The following SLC35F1 variants were observed in gnomAD, a reference collection of about 807,000 sequenced individuals.
SLC35F1 encodes solute carrier family 35 member F1.
A neutral mutation model predicts 48.7 loss-of-function variants in SLC35F1; 14 were observed. The ratio of observed to expected loss-of-function variants is 0.29; its 90% CI spans 0.19 to 0.45. SLC35F1 has a LOEUF of 0.45. Ranked by LOEUF, SLC35F1 falls within the 20% of genes least tolerant of loss-of-function variation. The pLI is 1.00. For synonymous variants in SLC35F1, 190 were observed against 202.2 expected, an observed-to-expected ratio of 0.94 and a Z score of 0.51; for missense variants, 404 against 500.0, an observed-to-expected ratio of 0.81 and a Z score of 1.83.
At chr6:118,214,551 A>G (rs1775047802) in intron 2 of SLC35F1, among the ~76,000 whole-genome samples, 1 of 152,212 alleles carries the variant, frequency 6.6e-6, no homozygotes, top group Non-Finnish European at 1.5e-5. Context: ...TCCATTATAT[A>G]AAGTAAGGTA....
intron 1 of SLC35F1, among the ~76,000 whole-genome samples, chr6:118,061,188 C>T (rs549517175): frequency 5.0e-4 from 76 of 152,308 alleles, no homozygotes; most frequent in African/African-American, 1.7e-3. Context: ...ATCCATTCCC[C>T]GGAGAGGCTG....
chr6:117,978,572 T>G (rs1776733403), intron 1 of SLC35F1, among the ~76,000 whole-genome samples: 1 of 152,186 alleles, frequency 6.6e-6, no homozygotes, highest in South Asian at 2.1e-4. Flanking sequence ...CGTTATTTTC[T>G]TCACTGGCCC....
At chr6:118,013,159 T>C (rs868235133) in intron 1 of SLC35F1, among the ~76,000 whole-genome samples, 34 of 152,298 alleles carry the variant, frequency 2.2e-4, no homozygotes, top group African/African-American at 8.2e-4. Context: ...TGTGGGGACA[T>C]CATCTCCTAC....
At chr6:118,078,680 T>C (rs1582653897) in intron 1 of SLC35F1, among the ~76,000 whole-genome samples, 5 of 152,310 alleles carry the variant, frequency 3.3e-5, no homozygotes, top group Admixed American at 3.3e-4. Flanking sequence ...TTAATCTCTC[T>C]GTCAAGACTC....
chr6:118,251,668 A>C (rs1775577408), intron 3 of SLC35F1, among the ~76,000 whole-genome samples: 1 of 152,178 alleles, frequency 6.6e-6, no homozygotes, highest in South Asian at 2.1e-4. Flanking sequence ...ATCAGACAGA[A>C]CAGGACAAGT....
intron 1 of SLC35F1, among the ~76,000 whole-genome samples, chr6:117,960,032 CA>C (rs1401080025): frequency 6.6e-6 from 1 of 152,024 alleles, no homozygotes; most frequent in African/African-American, 2.4e-5. Flanking sequence ...CTTACTCTTT[CA>C]AGGATAATTT....
intron 2 of SLC35F1, among the ~76,000 whole-genome samples, chr6:118,215,462 G>A (rs922684380): frequency 2.6e-5 from 4 of 151,900 alleles, no homozygotes; most frequent in Admixed American, 6.6e-5. Context: ...GCTAGGCAAC[G>A]GAGACACCGA....
At chr6:118,296,552 G>A (rs910978698) in intron 7 of SLC35F1, among the ~76,000 whole-genome samples, 1 of 152,222 alleles carries the variant, frequency 6.6e-6, no homozygotes, top group African/African-American at 2.4e-5. Context: ...ATATGAGAAG[G>A]ATTAGAGAAG....
chr6:118,286,824 G>C (rs1443302059), intron 7 of SLC35F1, among the ~76,000 whole-genome samples: 2 of 149,064 alleles, frequency 1.3e-5, no homozygotes, highest in African/African-American at 2.5e-5. Context: ...TGTGTGGTGA[G>C]AATACTTAAG....
At chr6:118,070,488 G>C (rs576155908) in intron 1 of SLC35F1, among the ~76,000 whole-genome samples, 3 of 152,112 alleles carry the variant, frequency 2.0e-5, no homozygotes, top group African/African-American at 7.2e-5. Context: ...CTGATAAAAA[G>C]TATGCACATA....
intron 1 of SLC35F1, among the ~76,000 whole-genome samples, chr6:118,047,566 G>A (rs1772318588): frequency 6.6e-6 from 1 of 152,074 alleles, no homozygotes; most frequent in African/African-American, 2.4e-5. Flanking sequence ...GTGCCTCTTT[G>A]AAATCAAATG....
intron 1 of SLC35F1, among the ~76,000 whole-genome samples, chr6:117,922,887 G>C (rs1389536569): frequency 6.6e-6 from 1 of 152,176 alleles, no homozygotes; most frequent in Non-Finnish European, 1.5e-5. Context: ...GGGTTTTACA[G>C]GGGAGCAAAT....
At chr6:118,290,400 G>A (rs541310648) in intron 7 of SLC35F1, among the ~76,000 whole-genome samples, 2 of 151,426 alleles carry the variant, frequency 1.3e-5, no homozygotes, top group South Asian at 2.1e-4. Context: ...GCTGTATTTC[G>A]TCTTCCCCTT....
intron 1 of SLC35F1, among the ~76,000 whole-genome samples, chr6:118,024,050 G>A (rs1777432607): frequency 6.6e-6 from 1 of 152,122 alleles, no homozygotes; most frequent in Non-Finnish European, 1.5e-5. Context: ...AGGGAATTAG[G>A]CTCACTGTAG....
At chr6:118,070,991 C>CGTGTGT (rs375445061) in intron 1 of SLC35F1, among the ~76,000 whole-genome samples, 73 of 7,296 alleles carry the variant, frequency 0.01, 2 homozygotes, top group African/African-American at 0.031. Context: ...ATATATTCTA[C>CGTGTGT]GTGTGTGTAT....
intron 1 of SLC35F1, among the ~76,000 whole-genome samples, chr6:117,956,058 C>CTTGGGAGAG (rs1343435252): frequency 6.6e-6 from 1 of 152,176 alleles, no homozygotes; most frequent in Non-Finnish European, 1.5e-5. Flanking sequence ...TGTTTTGTCA[C>CTTGGGAGAG]TTGGGAGAGT....
intron 5 of SLC35F1, among the ~76,000 whole-genome samples, chr6:118,277,281 G>A (rs894147647): frequency 5.3e-5 from 8 of 152,182 alleles, no homozygotes; most frequent in South Asian, 2.1e-4. Context: ...CCAGGGCCCC[G>A]TGGCACACCC....
intron 7 of SLC35F1, among the ~76,000 whole-genome samples, chr6:118,290,994 TA>T (rs1176221557): frequency 6.6e-6 from 1 of 151,942 alleles, no homozygotes; most frequent in Non-Finnish European, 1.5e-5. Flanking sequence ...GGATTTTCAC[TA>T]TGTTGGCCAG....
At chr6:118,127,243 T>A (rs1398698414) in intron 1 of SLC35F1, among the ~76,000 whole-genome samples, 2 of 152,114 alleles carry the variant, frequency 1.3e-5, no homozygotes, top group African/African-American at 2.4e-5. Context: ...GATAATCATG[T>A]GGTTTTTGTC....
Sources: gnomAD v4.1 joint callset for allele counts (sites outside exome capture counted in the v4.1 genomes callset) on GRCh38, gnomAD v4.1.1 for gene constraint, MANE v1.5 for transcripts, NCBI Gene and HGNC (gene_info 2026-07-23, HGNC 2026-07-21) for gene names.